The following UNC13B variants were observed in gnomAD, a reference collection of about 807,000 sequenced individuals.
UNC13B encodes protein unc-13 homolog B.
A neutral mutation model predicts 211.0 loss-of-function variants in UNC13B; 144 were observed. The observed-to-expected ratio is 0.68, with a 90% confidence interval of 0.60 to 0.78. UNC13B has a LOEUF of 0.78. UNC13B is among the 30% of genes least tolerant of loss of function. The pLI is 0.00. For synonymous variants in UNC13B, 709 were observed against 725.8 expected, an observed-to-expected ratio of 0.98 and a Z score of 0.37; for missense variants, 1,777 against 2,002.0, an observed-to-expected ratio of 0.89 and a Z score of 2.14.
intron 1 of UNC13B, among the ~76,000 whole-genome samples, chr9:35,169,534 C>T (rs535482195): frequency 7.2e-5 from 11 of 152,318 alleles, no homozygotes; most frequent in African/African-American, 2.6e-4. Context: ...CTCCTTCCCC[C>T]ATCCTGCCAC....
chr9:35,277,307 T>C (rs1264003083), intron 7 of UNC13B, among the ~76,000 whole-genome samples: 1 of 152,242 alleles, frequency 6.6e-6, no homozygotes, highest in African/African-American at 2.4e-5. Flanking sequence ...TGTAGATTGC[T>C]AGAAAGCTTC....
intron 19 of UNC13B, 124 bp from the exon 20 acceptor site, chr9:35,381,432 A>C: frequency 8.0e-7 from 1 of 1,251,318 alleles, no homozygotes; most frequent in Non-Finnish European, 1.1e-6. Flanking sequence ...GGAACTGAGC[A>C]ATGACTGGAA....
rs531484095 is a variant in UNC13B, at chr9:35,321,283, C to T, written c.9414+7294C>T. Reference sequence around the variant, plus strand: ...TTGCCTGGGCTGGAGTGCAGTGGTACAAGCACAGCTCACTGCAGCCTTGAC... The same window carrying T: ...TTGCCTGGGCTGGAGTGCAGTGGTATAAGCACAGCTCACTGCAGCCTTGAC... On this transcript the variant is annotated intron_variant, in intron 11 of 39. Coordinates refer to ENST00000635942, the MANE Select transcript of UNC13B (RefSeq NM_001371189.2). Among the ~76,000 whole-genome samples the T allele has an allele frequency of 3.3e-5, 5 of 152,114 alleles. No individual in the cohort carries two copies. In the South Asian group the frequency reaches 1.0e-3, roughly 32 times the overall value.
chr9:35,397,322 T>C lies in UNC13B; in HGVS notation c.11676+12T>C. 1 of 1,612,428 alleles carries C rather than the reference T, an allele frequency of 6.2e-7. No individual in the cohort carries two copies. The highest frequency in any genetic ancestry group is 8.5e-7 in the Non-Finnish European group (1 of 1,178,918). On this transcript the variant is annotated intron_variant, in intron 29 of 39. Transcript: ENST00000635942. Reference sequence around the variant, plus strand: ...GGAGGTTTGCTAAGGTGACCATAACTCTTCCTACTCCCTCCCCCTTACCAC... The same window carrying C: ...GGAGGTTTGCTAAGGTGACCATAACCCTTCCTACTCCCTCCCCCTTACCAC...
intron 11 of UNC13B, among the ~76,000 whole-genome samples, chr9:35,333,481 T>C (rs1392149140): frequency 6.6e-6 from 1 of 152,196 alleles, no homozygotes; most frequent in East Asian, 1.9e-4. Context: ...ATATCATACA[T>C]GTAGAGCAGG....
At position 35,352,800 on chromosome 9, in the gene UNC13B, T is replaced by C. The variant is rs75335170; in HGVS notation, c.9415-14147T>C. ...GCTTCTCTGTCTACCCCCCATCAGT[T>C]TGAGGAACCTGCCCTAGTATTAATC... On this transcript the variant is annotated intron_variant, in intron 11 of 39. Coordinates refer to ENST00000635942, the MANE Select transcript of UNC13B (RefSeq NM_001371189.2). The C allele has an allele frequency of 2.4e-3, 3,004 of 1,232,134 alleles. 45 individuals carry two copies. In the East Asian group the frequency reaches 0.032, roughly 13 times the overall value. 76.3% of individuals were successfully genotyped at this position (1,232,134 alleles called of 1,614,324 possible).
chr9:35,205,856 C>T (rs962249775), intron 1 of UNC13B, among the ~76,000 whole-genome samples: 3 of 151,706 alleles, frequency 2.0e-5, no homozygotes, highest in African/African-American at 7.3e-5. Flanking sequence ...CTGGTATGAA[C>T]ATTTGTGTAT....
intron 1 of UNC13B, among the ~76,000 whole-genome samples, chr9:35,201,813 A>T (rs1449780356): frequency 4.0e-5 from 6 of 151,276 alleles, no homozygotes; most frequent in Non-Finnish European, 5.9e-5. Flanking sequence ...TTTTTTTTTG[A>T]AGGGTTTTTT....
intron 11 of UNC13B, among the ~76,000 whole-genome samples, chr9:35,326,390 T>A (rs1162131644): frequency 6.6e-6 from 1 of 152,168 alleles, no homozygotes; most frequent in African/African-American, 2.4e-5. Flanking sequence ...TACATACATA[T>A]GATAAGGTTT....
chr9:35,390,606 C>A, intron 25 of UNC13B, 23 bp from the exon 26 acceptor site: 1 of 1,612,266 alleles, frequency 6.2e-7, no homozygotes, highest in Non-Finnish European at 8.5e-7. Flanking sequence ...TATTCTCTGA[C>A]TGTGGTTTCT....
At chr9:35,201,690 A>T (rs1165711061) in intron 1 of UNC13B, among the ~76,000 whole-genome samples, 2 of 152,028 alleles carry the variant, frequency 1.3e-5, no homozygotes, top group East Asian at 3.9e-4. Flanking sequence ...TATCCCCTTT[A>T]TCATTTTTTA....
At chr9:35,335,191 A>C (rs1231992296) in intron 11 of UNC13B, among the ~76,000 whole-genome samples, 2 of 152,236 alleles carry the variant, frequency 1.3e-5, no homozygotes, top group Non-Finnish European at 2.9e-5. Flanking sequence ...AAGTCTTCTC[A>C]GAGGAATTCC....
At chr9:35,196,688 A>G (rs1399330282) in intron 1 of UNC13B, among the ~76,000 whole-genome samples, 1 of 152,190 alleles carries the variant, frequency 6.6e-6, no homozygotes, top group African/African-American at 2.4e-5. Context: ...TTGTAGTAGT[A>G]ATATGGATGA....
rs765570021 is a variant in UNC13B, at chr9:35,370,350, T to A, written c.9494T>A (p.Met3165Lys). The A allele has an allele frequency of 1.2e-6, 2 of 1,613,910 alleles. No homozygotes were observed. The highest frequency in any genetic ancestry group is 1.7e-5 in the Admixed American group (1 of 60,008). Reference sequence around the variant, plus strand: ...GGAGGGCTCTATGGCATTGACAGCATGCCAGATTTACGCAGAAAGAAGCCA... The same window carrying A: ...GGAGGGCTCTATGGCATTGACAGCAAGCCAGATTTACGCAGAAAGAAGCCA... ...PAGGLYGIDS[M>K]PDLRRKKPLP... The change falls in exon 13 of 40, where the codon ATG (methionine) becomes AAG (lysine). Residue 3165 changes from methionine (M) to lysine (K), a missense_variant. Coordinates refer to ENST00000635942, the MANE Select transcript of UNC13B (RefSeq NM_001371189.2).
At chr9:35,379,421 C>T (rs1046397300) in intron 17 of UNC13B, among the ~76,000 whole-genome samples, 1 of 151,840 alleles carries the variant, frequency 6.6e-6, no homozygotes, top group Non-Finnish European at 1.5e-5. Flanking sequence ...TGTACTCCAG[C>T]CTGGTGACAG....
intron 1 of UNC13B, among the ~76,000 whole-genome samples, chr9:35,187,622 C>G (rs1822431734): frequency 6.6e-6 from 1 of 152,186 alleles, no homozygotes; most frequent in African/African-American, 2.4e-5. Flanking sequence ...AGAATGATTT[C>G]TACATAGGCC....
At chr9:35,194,451 C>T (rs1191760175) in intron 1 of UNC13B, among the ~76,000 whole-genome samples, 1 of 152,176 alleles carries the variant, frequency 6.6e-6, no homozygotes, top group East Asian at 1.9e-4. Flanking sequence ...GCTCTAGAAC[C>T]TCTTACAGCC....
At chr9:35,374,761 T>G (rs1834288335) in intron 13 of UNC13B, among the ~76,000 whole-genome samples, 1 of 152,234 alleles carries the variant, frequency 6.6e-6, no homozygotes, top group African/African-American at 2.4e-5. Flanking sequence ...GTGTCTCTAT[T>G]ATTCTTAATT....
rs762090249 is a variant in UNC13B, at chr9:35,310,552, C to T, written c.9094C>T (p.Gln3032Ter). 3 of 1,613,804 alleles carry T rather than the reference C, an allele frequency of 1.9e-6. No individual in the cohort carries two copies. Among genetic ancestry groups the T allele is most frequent in the East Asian group, 2.2e-5 (1 of 44,876 alleles). The change falls in exon 10 of 40, where the codon CAA (glutamine) becomes TAA (stop). Residue 3032 changes from glutamine (Q) to a stop codon, truncating the protein, a stop_gained. Transcript: ENST00000635942. LOFTEE classifies it high-confidence loss of function. ...AAGTGAACTAGACCAGTATCACGAA[C>T]AAGATGACGACCATCGGGAGACGGA... The part of the protein sequence containing the change: ...QLSELDQYHE[Q>*]DDDHRETDSI...
Sources: allele counts gnomAD v4.1 joint callset (sites outside exome capture counted in the v4.1 genomes callset), GRCh38; gene constraint gnomAD v4.1.1; transcripts MANE v1.5; gene names NCBI Gene and HGNC (gene_info 2026-07-23, HGNC 2026-07-21).